The following HPSE2 variants were observed in gnomAD, a reference collection of about 807,000 sequenced individuals.
HPSE2 encodes the protein heparanase 2 (inactive), also known as inactive heparanase-2.
HPSE2 carries 38 observed loss-of-function variants against 60.5 expected under a neutral mutation model. That is an observed-to-expected ratio of 0.63 (90% confidence interval 0.48 to 0.82). HPSE2 has a LOEUF of 0.82. Among genes scored for constraint, HPSE2 ranks in the 40% least tolerant of loss-of-function variants. HPSE2 has a pLI of 0.00. For missense variants in HPSE2, 713 were observed against 740.4 expected (o/e 0.96, Z 0.43); for synonymous variants, 295 against 293.2 (o/e 1.01, Z -0.06).
rs1944545853 is a variant in HPSE2, at chr10:98,573,116, AAAG to A, written c.1320+41785_1320+41787del. The stretch of plus-strand genomic sequence containing the variant: ...CTTAACTTTATTTTCCTCAATTGTA[AAAG>A]GAGATGATACCTATCTCATAGTGGC... On this transcript the variant is annotated intron_variant, in intron 9 of 11. Coordinates refer to ENST00000370552, the MANE Select transcript of HPSE2 (RefSeq NM_021828.5). Among the ~76,000 whole-genome samples, 9 of 152,356 alleles carry A rather than the reference AAAG, an allele frequency of 5.9e-5. No homozygotes were observed. In the South Asian group the frequency reaches 1.9e-3, roughly 32 times the overall value.
At chr10:98,641,279 C>T (rs945640949) in intron 7 of HPSE2, among the ~76,000 whole-genome samples, 1 of 152,136 alleles carries the variant, frequency 6.6e-6, no homozygotes, top group Non-Finnish European at 1.5e-5. Context: ...TAAACAAATA[C>T]TTCATATTAA....
chr10:98,822,728 T>C (rs1951452375), intron 3 of HPSE2, among the ~76,000 whole-genome samples: 1 of 152,302 alleles, frequency 6.6e-6, no homozygotes, highest in East Asian at 1.9e-4. Flanking sequence ...AGATGGGAGA[T>C]AACGCTATGC....
chr10:99,055,649 T>C (rs1958095810), intron 3 of HPSE2, among the ~76,000 whole-genome samples: 1 of 152,048 alleles, frequency 6.6e-6, no homozygotes, highest in African/African-American at 2.4e-5. Flanking sequence ...CAAAATTAAA[T>C]TGAAAATCAA....
chr10:99,153,008 C>T (rs547274945), intron 2 of HPSE2, among the ~76,000 whole-genome samples: 5 of 152,194 alleles, frequency 3.3e-5, no homozygotes, highest in African/African-American at 4.8e-5. Context: ...CCTGGAAAAT[C>T]GGGTCAATCC....
At chr10:98,654,564 C>T (rs1391446612) in intron 6 of HPSE2, among the ~76,000 whole-genome samples, 3 of 152,166 alleles carry the variant, frequency 2.0e-5, no homozygotes, top group Non-Finnish European at 2.9e-5. Context: ...TTATTTCTAT[C>T]ATTTCCTTTT....
At chr10:98,474,213 G>T (rs1940903470) in intron 11 of HPSE2, among the ~76,000 whole-genome samples, 1 of 152,194 alleles carries the variant, frequency 6.6e-6, no homozygotes, top group South Asian at 2.1e-4. Context: ...GTTTTTGAGT[G>T]TCTGAGTCGT....
At chr10:98,598,868 T>C (rs1000914671) in intron 9 of HPSE2, among the ~76,000 whole-genome samples, 2 of 151,996 alleles carry the variant, frequency 1.3e-5, no homozygotes, top group African/African-American at 4.8e-5. Context: ...GGGTACTGGC[T>C]GGCACCTAGG....
intron 3 of HPSE2, among the ~76,000 whole-genome samples, chr10:98,986,027 C>G (rs1266632331): frequency 6.6e-6 from 1 of 152,068 alleles, no homozygotes; most frequent in East Asian, 1.9e-4. Flanking sequence ...ACTTAGACTC[C>G]CACACAATAA....
chr10:98,783,327 A>G (rs61885780), intron 3 of HPSE2, among the ~76,000 whole-genome samples: 14 of 35,678 alleles, frequency 3.9e-4, no homozygotes, highest in Admixed American at 7.3e-4. Flanking sequence ...CATTTTCTTA[A>G]TCCAGTCTAT....
intron 2 of HPSE2, among the ~76,000 whole-genome samples, chr10:99,173,840 G>A (rs1294288347): frequency 6.6e-6 from 1 of 151,548 alleles, no homozygotes; most frequent in Non-Finnish European, 1.5e-5. Flanking sequence ...CTACTCAGGA[G>A]GCTGAGGCAG....
At chr10:98,493,462 T>G (rs1055593039) in intron 9 of HPSE2, among the ~76,000 whole-genome samples, 7 of 151,706 alleles carry the variant, frequency 4.6e-5, no homozygotes, top group African/African-American at 1.7e-4. Context: ...TCACTTCATA[T>G]TTTTTTGTGA....
chr10:99,207,097 G>A (rs1292908974), intron 2 of HPSE2, among the ~76,000 whole-genome samples: 3 of 152,040 alleles, frequency 2.0e-5, no homozygotes, highest in Non-Finnish European at 2.9e-5. Flanking sequence ...AGACTACAAG[G>A]CATTTTATCA....
intron 9 of HPSE2, among the ~76,000 whole-genome samples, chr10:98,566,327 T>C (rs1401877103): frequency 6.6e-6 from 1 of 152,178 alleles, no homozygotes; most frequent in Non-Finnish European, 1.5e-5. Context: ...TAACATGTGA[T>C]CTTCTTCGTG....
At chr10:99,186,541 T>TGA (rs1848033559) in intron 2 of HPSE2, among the ~76,000 whole-genome samples, 1 of 25,092 alleles carries the variant, frequency 4.0e-5, no homozygotes, top group Non-Finnish European at 6.7e-5. Context: ...AGACTCCATC[T>TGA]CAAAAAAAAA....
intron 5 of HPSE2, among the ~76,000 whole-genome samples, chr10:98,697,047 C>T (rs1359791963): frequency 3.1e-5 from 3 of 97,158 alleles, no homozygotes; most frequent in Admixed American, 1.9e-4. Context: ...GAGAAAGAAG[C>T]AGTGAAAAAA....
At chr10:99,168,748 T>C (rs879384726) in intron 2 of HPSE2, among the ~76,000 whole-genome samples, 2 of 152,226 alleles carry the variant, frequency 1.3e-5, no homozygotes, top group Non-Finnish European at 2.9e-5. Flanking sequence ...CTTGGCATTA[T>C]TGTGCTGGTT....
chr10:99,024,342 G>C (rs1589534489), intron 3 of HPSE2, among the ~76,000 whole-genome samples: 1 of 152,100 alleles, frequency 6.6e-6, no homozygotes, highest in Non-Finnish European at 1.5e-5. Context: ...ACAAGATCTA[G>C]ATAGGTTATA....
At chr10:99,082,946 G>C (rs1026135218) in intron 3 of HPSE2, among the ~76,000 whole-genome samples, 3 of 152,154 alleles carry the variant, frequency 2.0e-5, no homozygotes, top group Admixed American at 6.5e-5. Flanking sequence ...CATAAAAGAA[G>C]AGAACAGCAA....
the HPSE2 span, among the ~76,000 whole-genome samples, chr10:99,293,181 C>T: frequency 2.7e-5 from 4 of 150,930 alleles, no homozygotes; most frequent in Non-Finnish European, 5.9e-5. Flanking sequence ...TAACATCACA[C>T]AAATATAAAA....
Sources: allele counts gnomAD v4.1 joint callset (sites outside exome capture counted in the v4.1 genomes callset), GRCh38; gene constraint gnomAD v4.1.1; transcripts MANE v1.5; gene names NCBI Gene and HGNC (gene_info 2026-07-23, HGNC 2026-07-21).